Variants in RAD51B observed in about 807,000 individuals in gnomAD.
RAD51B encodes DNA repair protein RAD51 homolog 2.
RAD51B carries 38 observed loss-of-function variants against 42.2 expected under a neutral mutation model. The observed-to-expected ratio is 0.90, with a 90% CI of 0.70 to 1.18. The LOEUF is 1.18. Among genes scored for constraint, RAD51B ranks in the 50% most tolerant of loss-of-function variants. The pLI is 0.00. For missense variants in RAD51B, 373 were observed against 400.7 expected (o/e 0.93, Z 0.59); for synonymous variants, 154 against 145.2 (o/e 1.06, Z -0.43).
intron 4 of RAD51B, chr14:67,858,052 AC>A (rs1339870352): frequency 2.0e-5 from 3 of 152,530 alleles, no homozygotes; most frequent in Middle Eastern, 3.4e-3. Flanking sequence ...CCGTGGAGGC[AC>A]CCAGGTAAGG....
intron 10 of RAD51B, among the ~76,000 whole-genome samples, chr14:68,547,380 G>T (rs992961717): frequency 3.9e-5 from 6 of 152,116 alleles, no homozygotes; most frequent in Non-Finnish European, 8.8e-5. Flanking sequence ...CTGTCGGCAC[G>T]TACAGGCCAG....
intron 7 of RAD51B, among the ~76,000 whole-genome samples, chr14:68,064,484 T>C (rs1080957): frequency 0.26 from 40,036 of 152,098 alleles, 6,919 homozygotes; most frequent in African/African-American, 0.49. Context: ...TTTAGATGTC[T>C]ATATCTCTCC....
In RAD51B at chr14:68,231,412, G is replaced by A. The variant is rs149963608; in HGVS notation, c.757-60472G>A. 1.6e-4 allele frequency among the ~76,000 whole-genome samples: 24 copies of A among 151,748 alleles called. No homozygotes were observed. The East Asian group carries it at 4.5e-3, about 28-fold the overall frequency. ...ATCTGGTCATTTGATCTATAATTTC[G>A]ATTCCTTTTCCTGAAATTCCCTCCT... On this transcript the variant is annotated intron_variant, in intron 7 of 10. Transcript: ENST00000471583.
At chr14:68,207,163 G>T (rs144701909) in intron 7 of RAD51B, among the ~76,000 whole-genome samples, 1 of 151,998 alleles carries the variant, frequency 6.6e-6, no homozygotes, top group African/African-American at 2.4e-5. Flanking sequence ...TACTATTGAG[G>T]TATCTTGGCT....
intron 10 of RAD51B, among the ~76,000 whole-genome samples, chr14:68,518,554 G>GCCCC (rs11341781): frequency 1.5e-5 from 2 of 137,360 alleles, no homozygotes; most frequent in African/African-American, 2.7e-5. Flanking sequence ...GGTCATATGA[G>GCCCC]CCCCCCCCCC....
chr14:67,868,844 C>T (rs1237285191), intron 5 of RAD51B, among the ~76,000 whole-genome samples: 5 of 152,268 alleles, frequency 3.3e-5, no homozygotes, highest in African/African-American at 1.2e-4. Context: ...CTCACACGGC[C>T]GGGTACTCCA....
At chr14:68,631,133 TA>T (rs34052915) in intron 10 of RAD51B, among the ~76,000 whole-genome samples, 25 of 151,194 alleles carry the variant, frequency 1.7e-4, no homozygotes, top group African/African-American at 3.4e-4. Context: ...GTCCAATTGT[TA>T]AAAAAAAATG....
intron 7 of RAD51B, among the ~76,000 whole-genome samples, chr14:68,032,697 C>A (rs1207808639): frequency 6.6e-6 from 1 of 152,196 alleles, no homozygotes; most frequent in Non-Finnish European, 1.5e-5. Flanking sequence ...CTTTGCCACA[C>A]TATTCCATAC....
intron 8 of RAD51B, among the ~76,000 whole-genome samples, chr14:68,342,811 T>C (rs1269817927): frequency 1.3e-5 from 2 of 152,284 alleles, no homozygotes; most frequent in South Asian, 2.1e-4. Context: ...TTTGACCTAA[T>C]TGTAGACTTT....
chr14:68,036,505 C>T (rs1330584872), intron 7 of RAD51B, among the ~76,000 whole-genome samples: 1 of 152,198 alleles, frequency 6.6e-6, no homozygotes, highest in Non-Finnish European at 1.5e-5. Context: ...CTTATTTCAG[C>T]CTCTGCGTTT....
At chr14:68,283,577 G>T (rs2081360861) in intron 7 of RAD51B, among the ~76,000 whole-genome samples, 1 of 152,216 alleles carries the variant, frequency 6.6e-6, no homozygotes, top group Non-Finnish European at 1.5e-5. Context: ...GTTATTTCCT[G>T]CAGTGGGCCC....
intron 7 of RAD51B, among the ~76,000 whole-genome samples, chr14:68,022,968 C>G (rs1303790261): frequency 1.3e-5 from 2 of 152,208 alleles, no homozygotes. Flanking sequence ...CATGTTGCTA[C>G]AAAGGACATG....
intron 7 of RAD51B, among the ~76,000 whole-genome samples, chr14:68,066,743 G>A (rs1395793181): frequency 6.6e-6 from 1 of 152,072 alleles, no homozygotes; most frequent in Non-Finnish European, 1.5e-5. Context: ...GCAATGCAAT[G>A]AGACCTTATC....
chr14:68,243,154 T>G (rs1040471624), intron 7 of RAD51B, among the ~76,000 whole-genome samples: 1 of 152,220 alleles, frequency 6.6e-6, no homozygotes, highest in African/African-American at 2.4e-5. Flanking sequence ...AAAACAGAAA[T>G]TTTAAAGGAA....
At chr14:68,338,533 T>C (rs535374991) in intron 8 of RAD51B, among the ~76,000 whole-genome samples, 1 of 152,196 alleles carries the variant, frequency 6.6e-6, no homozygotes, top group African/African-American at 2.4e-5. Context: ...ACAGGTGATA[T>C]GTCTGCCCTT....
At chr14:68,420,760 T>C (rs566610563) in intron 9 of RAD51B, among the ~76,000 whole-genome samples, 21 of 152,322 alleles carry the variant, frequency 1.4e-4, no homozygotes, top group Non-Finnish European at 2.4e-4. Flanking sequence ...TTTTCTGACC[T>C]CCTATCTCAT....
intron 7 of RAD51B, among the ~76,000 whole-genome samples, chr14:67,993,981 A>G (rs1402739513): frequency 6.6e-6 from 1 of 152,164 alleles, no homozygotes; most frequent in Non-Finnish European, 1.5e-5. Flanking sequence ...ATATATAATA[A>G]CAGCTGTATT....
At chr14:67,904,312 G>A (rs2043708755) in intron 7 of RAD51B, among the ~76,000 whole-genome samples, 1 of 151,862 alleles carries the variant, frequency 6.6e-6, no homozygotes, top group South Asian at 2.1e-4. Context: ...TAAGTTCTTC[G>A]AAAGATTGCC....
chr14:68,676,416 G>A (rs149312592), intron 11 of RAD51B, among the ~76,000 whole-genome samples: 67 of 152,318 alleles, frequency 4.4e-4, no homozygotes, highest in African/African-American at 1.5e-3. Context: ...GCTGACCCAC[G>A]GAGGTCCCAG....
Sources: allele counts gnomAD v4.1 joint callset (sites outside exome capture counted in the v4.1 genomes callset), GRCh38; gene constraint gnomAD v4.1.1; transcripts MANE v1.5; gene names NCBI Gene and HGNC (gene_info 2026-07-23, HGNC 2026-07-21).